TAS2R1: variants seen among roughly 807,000 people sequenced by gnomAD.
TAS2R1 encodes the protein taste receptor type 2 member 1.
For missense variants in TAS2R1, 370 were observed against 353.4 expected (o/e 1.05, Z -0.38); for synonymous variants, 141 against 134.2 (o/e 1.05, Z -0.35).
the TAS2R1 span, among the ~76,000 whole-genome samples, chr5:9,808,408 T>C: frequency 2.0e-5 from 3 of 152,068 alleles, no homozygotes; most frequent in Non-Finnish European, 4.4e-5. Context: ...CAACTGCCTA[T>C]AGAAAAATGT....
At chr5:9,698,983 T>C (rs1741420277) in intron 1 of TAS2R1, among the ~76,000 whole-genome samples, 1 of 152,224 alleles carries the variant, frequency 6.6e-6, no homozygotes, top group African/African-American at 2.4e-5. Context: ...GCATCCTGTT[T>C]CTGTTTTTAC....
intron 1 of TAS2R1, among the ~76,000 whole-genome samples, chr5:9,685,760 AT>A (rs1012081002): frequency 6.6e-6 from 1 of 152,164 alleles, no homozygotes; most frequent in African/African-American, 2.4e-5. Flanking sequence ...TTCTATACCT[AT>A]TTTTTTAAGT....
At chr5:9,851,437 T>C in the TAS2R1 span, among the ~76,000 whole-genome samples, 1 of 152,074 alleles carries the variant, frequency 6.6e-6, no homozygotes, top group Non-Finnish European at 1.5e-5. Flanking sequence ...CTGGTCTTTT[T>C]TGAGACACTA....
chr5:9,771,264 G>C, the TAS2R1 span, among the ~76,000 whole-genome samples: 2 of 152,162 alleles, frequency 1.3e-5, no homozygotes, highest in African/African-American at 2.4e-5. Flanking sequence ...TTCAGCATCA[G>C]TTGAAATGAT....
At chr5:9,884,738 TA>T in the TAS2R1 span, among the ~76,000 whole-genome samples, 1 of 152,236 alleles carries the variant, frequency 6.6e-6, no homozygotes, top group Non-Finnish European at 1.5e-5. Context: ...TTGGCAACAC[TA>T]ATTTATTCCT....
the TAS2R1 span, among the ~76,000 whole-genome samples, chr5:9,779,000 A>G: frequency 3.9e-5 from 6 of 152,152 alleles, no homozygotes; most frequent in Non-Finnish European, 7.4e-5. Context: ...TGCCTTCCTG[A>G]GATGGTTTGG....
At chr5:9,855,367 C>T in the TAS2R1 span, among the ~76,000 whole-genome samples, 25,926 of 152,182 alleles carry the variant, frequency 0.17, 2,571 homozygotes, top group Middle Eastern at 0.27. Context: ...TACACCATCA[C>T]AATAGGAAAT....
upstream of TAS2R1, among the ~76,000 whole-genome samples, chr5:9,715,544 G>A (rs1231073862): frequency 1.3e-5 from 2 of 152,246 alleles, no homozygotes; most frequent in African/African-American, 4.8e-5. Flanking sequence ...CCAAGGGAGT[G>A]CCAGCTTTGG....
Position 9,629,207 on chromosome 5 carries a change from T to C in TAS2R1, c.826A>G (p.Ile276Val). ...AATTTAGGATTTCCTAAAATTAAGA[T>C]GAGAGAGTGTCCAGAAGGGTATATA... The part of the protein sequence containing the change: ...IGIYPSGHSL[I>V]LILGNPKLKQ... Residue 276 changes from isoleucine to valine, a missense_variant, in exon 1 of 1, where the codon ATC becomes GTC. By Grantham distance (29) the Ile-to-Val change is conservative. Transcript: ENST00000382492. 1 of 1,601,820 alleles carries C rather than the reference T, an allele frequency of 6.2e-7. No individual in the cohort carries two copies.
the TAS2R1 span, among the ~76,000 whole-genome samples, chr5:9,791,257 C>T: frequency 1.3e-5 from 2 of 152,210 alleles, no homozygotes; most frequent in Admixed American, 6.5e-5. Context: ...TCAGAATCCT[C>T]CCTTGCAGCC....
At chr5:9,637,559 C>G (rs552271745) in intron 2 of TAS2R1, among the ~76,000 whole-genome samples, 3 of 152,102 alleles carry the variant, frequency 2.0e-5, no homozygotes, top group African/African-American at 7.2e-5. Context: ...CTCAGAAACA[C>G]CAATTATTCT....
At chr5:9,784,922 A>G in the TAS2R1 span, among the ~76,000 whole-genome samples, 1 of 152,222 alleles carries the variant, frequency 6.6e-6, no homozygotes, top group African/African-American at 2.4e-5. Flanking sequence ...CTGTTTATAA[A>G]TAACATCCTA....
chr5:9,809,123 C>A, the TAS2R1 span, among the ~76,000 whole-genome samples: 2 of 152,188 alleles, frequency 1.3e-5, no homozygotes, highest in African/African-American at 4.8e-5. Context: ...TCTGGTTTCA[C>A]AGATTCATAG....
the TAS2R1 span, among the ~76,000 whole-genome samples, chr5:9,800,073 C>T: frequency 3.3e-5 from 5 of 152,174 alleles, no homozygotes; most frequent in Non-Finnish European, 5.9e-5. Context: ...CTATTTCTTT[C>T]CTCTTTTGGC....
At chr5:9,805,168 T>C in the TAS2R1 span, among the ~76,000 whole-genome samples, 48 of 152,056 alleles carry the variant, frequency 3.2e-4, 1 homozygote, top group Admixed American at 2.6e-3. Flanking sequence ...TTCCTGGAAA[T>C]ATACAATCCT....
At chr5:9,680,030 T>G (rs888069064) in intron 1 of TAS2R1, among the ~76,000 whole-genome samples, 1 of 152,062 alleles carries the variant, frequency 6.6e-6, no homozygotes, top group Non-Finnish European at 1.5e-5. Context: ...TAGAGTCAGA[T>G]AGTAAGGAAG....
the TAS2R1 span, among the ~76,000 whole-genome samples, chr5:9,801,358 T>A: frequency 6.6e-6 from 1 of 152,168 alleles, no homozygotes; most frequent in African/African-American, 2.4e-5. Flanking sequence ...TCTATGATAT[T>A]TTGTTATAGA....
chr5:9,844,826 T>A, the TAS2R1 span, among the ~76,000 whole-genome samples: 1 of 152,156 alleles, frequency 6.6e-6, no homozygotes, highest in Non-Finnish European at 1.5e-5. Context: ...AGAGCCAGGA[T>A]GAAAGAGAGT....
At chr5:9,788,464 T>C in the TAS2R1 span, among the ~76,000 whole-genome samples, 1 of 152,188 alleles carries the variant, frequency 6.6e-6, no homozygotes, top group Non-Finnish European at 1.5e-5. Flanking sequence ...GTTATTTTGC[T>C]GTCACTCACC....
Sources: gnomAD v4.1 joint callset for allele counts (sites outside exome capture counted in the v4.1 genomes callset) on GRCh38, gnomAD v4.1.1 for gene constraint, MANE v1.5 for transcripts, NCBI Gene and HGNC (gene_info 2026-07-23, HGNC 2026-07-21) for gene names.